The following SLC39A10 variants were observed in gnomAD, a reference collection of about 807,000 sequenced individuals.
SLC39A10 encodes zinc transporter ZIP10.
In SLC39A10, 13 loss-of-function variants were observed where a neutral mutation model predicts 65.1. The ratio of observed to expected loss-of-function variants is 0.20; its 90% CI spans 0.13 to 0.32. SLC39A10 has a LOEUF of 0.32. Among genes scored for constraint, SLC39A10 ranks in the 10% least tolerant of loss-of-function variants. SLC39A10 has a pLI of 1.00. For synonymous variants in SLC39A10, 321 were observed against 342.2 expected (o/e 0.94, Z 0.68); for missense variants, 831 against 1,018.4 (o/e 0.82, Z 2.50).
intron 1 of SLC39A10, among the ~76,000 whole-genome samples, chr2:195,674,245 A>G (rs1285812930): frequency 6.6e-6 from 1 of 152,118 alleles, no homozygotes; most frequent in Non-Finnish European, 1.5e-5. Flanking sequence ...TGTAGCAGGC[A>G]ACATAATGGT....
intron 1 of SLC39A10, among the ~76,000 whole-genome samples, chr2:195,672,854 C>T (rs1689923002): frequency 6.6e-6 from 1 of 152,272 alleles, no homozygotes; most frequent in East Asian, 1.9e-4. Flanking sequence ...AACACTCACA[C>T]CTTTAATTAG....
At chr2:195,616,223 A>C (rs1688203768) in intron 2 of SLC39A10, among the ~76,000 whole-genome samples, 1 of 152,016 alleles carries the variant, frequency 6.6e-6, no homozygotes, top group Admixed American at 6.6e-5. Context: ...CCAAAGTGTT[A>C]GGATTACAGG....
At chr2:195,648,171 A>AT (rs1168747545) in intron 2 of SLC39A10, among the ~76,000 whole-genome samples, 5 of 152,000 alleles carry the variant, frequency 3.3e-5, no homozygotes, top group East Asian at 1.9e-4. Flanking sequence ...TTTTAAAACA[A>AT]TTTTTTTGTA....
rs1025368102 is a variant in SLC39A10 at position 195,689,344 on chromosome 2, C to T, written c.1216+5438C>T. Among the ~76,000 whole-genome samples the T allele has an allele frequency of 6.6e-5, 10 of 151,886 alleles. 1 individual carries two copies. Among genetic ancestry groups the T allele is most frequent in the Admixed American group, 4.6e-4 (7 of 15,264 alleles). Reference sequence around the variant, plus strand: ...GGCGGAGGCAGGAGGATGACCTTAGCGTGGGAGGTTGAGGCTGTAGTGAGC... The same window carrying T: ...GGCGGAGGCAGGAGGATGACCTTAGTGTGGGAGGTTGAGGCTGTAGTGAGC... On this transcript the variant is annotated intron_variant, in intron 3 of 9. Coordinates refer to ENST00000359634, the MANE Select transcript of SLC39A10 (RefSeq NM_020342.3).
intron 3 of SLC39A10, among the ~76,000 whole-genome samples, chr2:195,700,404 G>A (rs994729448): frequency 2.0e-5 from 3 of 152,060 alleles, no homozygotes; most frequent in East Asian, 3.9e-4. Flanking sequence ...CTGTTTTCTT[G>A]TGGTTATTAT....
At chr2:195,714,494 T>C (rs554585576) in intron 6 of SLC39A10, among the ~76,000 whole-genome samples, 1 of 152,312 alleles carries the variant, frequency 6.6e-6, no homozygotes, top group East Asian at 1.9e-4. Context: ...ATCTTGTTTA[T>C]AATCATTTAT....
intron 2 of SLC39A10, among the ~76,000 whole-genome samples, chr2:195,639,626 C>G (rs1244969424): frequency 6.6e-6 from 1 of 152,124 alleles, no homozygotes; most frequent in Admixed American, 6.5e-5. Context: ...CTTTGTCACC[C>G]AGGCTGGAGT....
intron 1 of SLC39A10, chr2:195,657,549 G>T: frequency 2.0e-6 from 2 of 983,706 alleles, no homozygotes; most frequent in Non-Finnish European, 2.4e-6. Flanking sequence ...CCGCGGGATC[G>T]GGAGCCGGCG....
At chr2:195,719,791 G>GTT (rs796609144) in intron 8 of SLC39A10, among the ~76,000 whole-genome samples, 7 of 131,528 alleles carry the variant, frequency 5.3e-5, no homozygotes, top group African/African-American at 8.5e-5. Context: ...GCTAATTTTT[G>GTT]TTTTTTTTTT....
At chr2:195,645,076 A>C (rs6718093) in intron 2 of SLC39A10, among the ~76,000 whole-genome samples, 3 of 151,552 alleles carry the variant, frequency 2.0e-5, no homozygotes, top group Non-Finnish European at 4.4e-5. Flanking sequence ...CGCCCGGCTA[A>C]TTTTGTATTT....
At chr2:195,702,469 C>T (rs1691229331) in intron 3 of SLC39A10, among the ~76,000 whole-genome samples, 1 of 152,118 alleles carries the variant, frequency 6.6e-6, no homozygotes, top group Middle Eastern at 3.2e-3. Context: ...AGTTGCAAGC[C>T]TTCAATAGAC....
chr2:195,696,800 TAAG>T (rs370629206), intron 3 of SLC39A10, among the ~76,000 whole-genome samples: 2 of 152,236 alleles, frequency 1.3e-5, no homozygotes, highest in African/African-American at 4.8e-5. Flanking sequence ...GAAAATATAT[TAAG>T]AAAATCATAA....
intron 2 of SLC39A10, among the ~76,000 whole-genome samples, chr2:195,622,098 G>T (rs1490117596): frequency 1.3e-5 from 2 of 152,152 alleles, no homozygotes; most frequent in Non-Finnish European, 2.9e-5. Flanking sequence ...GGGGGCCGTG[G>T]TTTATGCCTA....
intron 3 of SLC39A10, among the ~76,000 whole-genome samples, chr2:195,702,551 T>G (rs956993772): frequency 2.6e-5 from 4 of 152,238 alleles, no homozygotes; most frequent in Admixed American, 6.5e-5. Flanking sequence ...GCATACAGAT[T>G]TCTGGTGCTT....
upstream of SLC39A10, among the ~76,000 whole-genome samples, chr2:195,652,805 AC>A (rs2105715059): frequency 6.6e-6 from 1 of 152,242 alleles, no homozygotes; most frequent in African/African-American, 2.4e-5. Context: ...CCTGTTAGGA[AC>A]GGGGCCACAC....
At chr2:195,678,565 T>G (rs1156561656) in intron 1 of SLC39A10, among the ~76,000 whole-genome samples, 9 of 133,678 alleles carry the variant, frequency 6.7e-5, no homozygotes. Context: ...TAGTTAGGTT[T>G]TTTTTTTTTT....
At chr2:195,633,166 A>G (rs566821147) in intron 2 of SLC39A10, among the ~76,000 whole-genome samples, 1 of 152,368 alleles carries the variant, frequency 6.6e-6, no homozygotes, top group African/African-American at 2.4e-5. Context: ...GTGAAACAGG[A>G]AATTTTCTCT....
chr2:195,701,982 A>G (rs905594774), intron 3 of SLC39A10, among the ~76,000 whole-genome samples: 25 of 152,174 alleles, frequency 1.6e-4, no homozygotes, highest in African/African-American at 5.8e-4. Context: ...CACCTAGCCT[A>G]TCTTCACAGG....
chr2:195,677,125 G>C (rs1690121315), intron 1 of SLC39A10, among the ~76,000 whole-genome samples: 1 of 152,158 alleles, frequency 6.6e-6, no homozygotes, highest in Non-Finnish European at 1.5e-5. Flanking sequence ...AGTACACAGA[G>C]CATAAGTGCC....
Sources: gnomAD v4.1 joint callset for allele counts (sites outside exome capture counted in the v4.1 genomes callset) on GRCh38, gnomAD v4.1.1 for gene constraint, MANE v1.5 for transcripts, NCBI Gene and HGNC (gene_info 2026-07-23, HGNC 2026-07-21) for gene names.